Variants in TESK2 observed in about 807,000 individuals in gnomAD.
TESK2 encodes dual specificity testis-specific protein kinase 2.
Under a neutral mutation model 57.1 loss-of-function variants are expected in TESK2, and 39 were observed. The observed-to-expected ratio is 0.68, with a 90% CI of 0.53 to 0.89. TESK2 has a LOEUF of 0.89. Ranked by LOEUF, TESK2 falls within the 40% of genes least tolerant of loss-of-function variation. TESK2 has a pLI of 0.00. For synonymous variants in TESK2, 249 were observed against 267.9 expected, an observed-to-expected ratio of 0.93 and a Z score of 0.69; for missense variants, 646 against 732.1, an observed-to-expected ratio of 0.88 and a Z score of 1.36.
chr1:45,414,380 T>C (rs1373487795), intron 3 of TESK2, among the ~76,000 whole-genome samples: 1 of 152,188 alleles, frequency 6.6e-6, no homozygotes, highest in African/African-American at 2.4e-5. Context: ...ATACTTGCAG[T>C]GTGACAGTTC....
rs373387589 is a variant in TESK2 at position 45,441,264 on chromosome 1, G to A, written c.222+16300C>T. On this transcript the variant is annotated intron_variant, in intron 2 of 10. Transcript: ENST00000372086. ...TGGCTCACTGCAACCTCTGCCTCCC[G>A]GGTTCAAGCAATTCTCCTGCCTCAG... Among the ~76,000 whole-genome samples, 40 of 151,868 alleles carry A rather than the reference G, an allele frequency of 2.6e-4. No individual in the cohort carries two copies. The East Asian group carries it at 6.2e-3, about 24-fold the overall frequency.
At chr1:45,364,446 T>TCTTC (rs1281945157) in intron 4 of TESK2, among the ~76,000 whole-genome samples, 2 of 152,238 alleles carry the variant, frequency 1.3e-5, no homozygotes, top group African/African-American at 4.8e-5. Flanking sequence ...GCAAGAAGGA[T>TCTTC]CTTCCCGTAG....
chr1:45,416,385 T>C (rs1285401753), intron 3 of TESK2, among the ~76,000 whole-genome samples: 1 of 152,066 alleles, frequency 6.6e-6, no homozygotes, highest in African/African-American at 2.4e-5. Context: ...GGAATCTGTC[T>C]GCCTCGGCTT....
chr1:45,444,197 T>A (rs974129698), intron 2 of TESK2, among the ~76,000 whole-genome samples: 1 of 150,916 alleles, frequency 6.6e-6, no homozygotes, highest in Non-Finnish European at 1.5e-5. Context: ...AAAAAAGGCT[T>A]TGAGGGCCAT....
intron 3 of TESK2, among the ~76,000 whole-genome samples, chr1:45,387,176 A>T (rs1416381993): frequency 6.6e-6 from 1 of 152,192 alleles, no homozygotes; most frequent in East Asian, 1.9e-4. Context: ...TCTTGAAAAC[A>T]GCATGGTATA....
chr1:45,416,071 C>CTTT (rs1557564223), intron 3 of TESK2, among the ~76,000 whole-genome samples: 6 of 79,568 alleles, frequency 7.5e-5, no homozygotes, highest in Admixed American at 1.7e-4. Flanking sequence ...TAATCTAGAG[C>CTTT]CTTTTTTTTT....
At chr1:45,442,266 A>T (rs1651475317) in intron 2 of TESK2, among the ~76,000 whole-genome samples, 1 of 151,494 alleles carries the variant, frequency 6.6e-6, no homozygotes, top group African/African-American at 2.4e-5. Context: ...AGAGACTTTT[A>T]TGGTATGTGA....
intron 1 of TESK2, among the ~76,000 whole-genome samples, chr1:45,464,059 T>G (rs1036096497): frequency 1.3e-5 from 2 of 152,186 alleles, no homozygotes; most frequent in African/African-American, 4.8e-5. Context: ...TTTTTTCTAT[T>G]TCTGTGAAGA....
intron 2 of TESK2, among the ~76,000 whole-genome samples, chr1:45,447,135 T>C (rs1403322172): frequency 6.6e-6 from 1 of 152,182 alleles, no homozygotes; most frequent in Non-Finnish European, 1.5e-5. Context: ...GAAGATCTCC[T>C]GAGCCCAGGA....
chr1:45,428,341 C>G (rs1475030415), intron 2 of TESK2, among the ~76,000 whole-genome samples: 2 of 152,028 alleles, frequency 1.3e-5, no homozygotes, highest in Admixed American at 6.6e-5. Context: ...GAGCCTGATA[C>G]AGTCAGACCA....
chr1:45,447,021 C>T (rs1319447415), intron 2 of TESK2, among the ~76,000 whole-genome samples: 2 of 152,166 alleles, frequency 1.3e-5, no homozygotes, highest in African/African-American at 4.8e-5. Flanking sequence ...AGTTAGAGAC[C>T]AGCCTGGGCA....
chr1:45,350,724 A>C (rs1647218895), intron 5 of TESK2, among the ~76,000 whole-genome samples: 1 of 152,226 alleles, frequency 6.6e-6, no homozygotes. Context: ...GCTCTTGTGT[A>C]ATGGCCTGCT....
Position 45,457,159 on chromosome 1 carries a change from T to C in TESK2, c.222+405A>G, listed in dbSNP as rs150962501. 3.9e-4 allele frequency among the ~76,000 whole-genome samples: 59 copies of C among 152,172 alleles called. No individual in the cohort carries two copies. In the East Asian group the frequency reaches 8.1e-3, roughly 21 times the overall value. The stretch of plus-strand genomic sequence containing the variant: ...AAGATAAGCAAACAAAAACTATATA[T>C]GTGGGTGTGTGTATATATAATTTTA... On this transcript the variant is annotated intron_variant, in intron 2 of 10. Coordinates refer to ENST00000372086, the MANE Select transcript of TESK2 (RefSeq NM_007170.3).
intron 1 of TESK2, among the ~76,000 whole-genome samples, chr1:45,473,966 T>C (rs1557587553): frequency 6.6e-6 from 1 of 151,906 alleles, no homozygotes; most frequent in East Asian, 1.9e-4. Flanking sequence ...CCCAGCCAAT[T>C]GGGGAAGTTT....
chr1:45,409,018 A>G (rs535674266), intron 3 of TESK2, among the ~76,000 whole-genome samples: 44 of 152,304 alleles, frequency 2.9e-4, no homozygotes, highest in African/African-American at 9.9e-4. Flanking sequence ...TTTTAGCCCA[A>G]GCCTGACACC....
chr1:45,438,078 A>G (rs550106576), intron 2 of TESK2, among the ~76,000 whole-genome samples: 175 of 152,376 alleles, frequency 1.1e-3, no homozygotes, highest in Non-Finnish European at 2.0e-3. Flanking sequence ...TTTACCTTTA[A>G]GTAGAACATC....
intron 4 of TESK2, among the ~76,000 whole-genome samples, chr1:45,376,382 A>ATT (rs201233772): frequency 0.01 from 1,492 of 142,138 alleles, 28 homozygotes; most frequent in African/African-American, 0.035. Context: ...CGTCTGGCTA[A>ATT]TTTTTTTTTT....
chr1:45,388,870 G>A (rs952993834), intron 3 of TESK2, among the ~76,000 whole-genome samples: 34 of 152,052 alleles, frequency 2.2e-4, no homozygotes, highest in Middle Eastern at 6.8e-3. Flanking sequence ...ACAGGCGCCC[G>A]CCACCACGCC....
chr1:45,365,482 T>C (rs1287249980), intron 4 of TESK2, among the ~76,000 whole-genome samples: 1 of 152,140 alleles, frequency 6.6e-6, no homozygotes, highest in Non-Finnish European at 1.5e-5. Flanking sequence ...TGCTAATTCT[T>C]ATTCATCCTC....
Sources: allele counts gnomAD v4.1 joint callset (sites outside exome capture counted in the v4.1 genomes callset), GRCh38; gene constraint gnomAD v4.1.1; transcripts MANE v1.5; gene names NCBI Gene and HGNC (gene_info 2026-07-23, HGNC 2026-07-21).